The following CELSR1 variants were observed in gnomAD, a reference collection of about 807,000 sequenced individuals.
CELSR1 encodes adhesion G protein-coupled receptor C1.
In CELSR1, 110 loss-of-function variants were observed where a neutral mutation model predicts 249.1. That is an observed-to-expected ratio of 0.44 (90% CI 0.38 to 0.52). The LOEUF (loss-of-function observed/expected upper bound fraction) is 0.52. Ranked by LOEUF, CELSR1 falls within the 20% of genes least tolerant of loss-of-function variation. The pLI is 0.00. For missense variants in CELSR1, 4,109 were observed against 4,296.4 expected (o/e 0.96, Z 1.22); for synonymous variants, 2,113 against 1,900.0 (o/e 1.11, Z -2.92).
rs1209689563 is a variant in CELSR1 at position 46,434,214 on chromosome 22, G to A, written c.4523-733C>T. Among the ~76,000 whole-genome samples the A allele has an allele frequency of 6.6e-6, 1 of 152,246 alleles. No individual in the cohort carries two copies. Among genetic ancestry groups the A allele is most frequent in the Non-Finnish European group, 1.5e-5 (1 of 68,046 alleles). On this transcript the variant is annotated intron_variant, in intron 4 of 34. Transcript: ENST00000674500. The surrounding 1 kb of genome is among the most constrained non-coding windows in gnomAD (Gnocchi z 4.9). ...TAACACGTCCCATCGTGAGGTCGCG[G>A]ACGCGTCTCTTGTGCATCTCTGCTT...
chr22:46,498,990 G>A (rs2080441243), intron 1 of CELSR1, among the ~76,000 whole-genome samples: 1 of 151,886 alleles, frequency 6.6e-6, no homozygotes. Flanking sequence ...GACCAGCCTG[G>A]CCAACATGGT....
chr22:46,497,168 G>A (rs997935245), intron 1 of CELSR1, among the ~76,000 whole-genome samples: 4 of 152,106 alleles, frequency 2.6e-5, no homozygotes, highest in African/African-American at 9.7e-5. Flanking sequence ...TATGCAGCCC[G>A]TCCTTGACAG....
At chr22:46,459,582 A>G (rs2079996602) in intron 2 of CELSR1, among the ~76,000 whole-genome samples, 1 of 152,222 alleles carries the variant, frequency 6.6e-6, no homozygotes. Context: ...CCACAGTGCC[A>G]GCAGGGTCCT....
chr22:46,528,806 G>A (rs5768898), intron 1 of CELSR1, among the ~76,000 whole-genome samples: 101,020 of 149,944 alleles, frequency 0.67, 35,379 homozygotes, highest in African/African-American at 0.88. Flanking sequence ...GCGGGCGCCT[G>A]TAGTCCCAGC....
chr22:46,367,079 C>G lies in CELSR1; in HGVS notation c.8119G>C (p.Glu2707Gln). 1 of 1,611,674 alleles carries G rather than the reference C, an allele frequency of 6.2e-7. No homozygotes were observed. Among genetic ancestry groups the G allele is most frequent in the Non-Finnish European group, 8.5e-7 (1 of 1,179,736 alleles). Residue 2707 changes from glutamate (E) to glutamine (Q), a missense_variant, in exon 29 of 35, where the codon GAG becomes CAG. By Grantham distance (29) the Glu-to-Gln change is conservative (BLOSUM62 2). Coordinates refer to ENST00000674500, the MANE Select transcript of CELSR1 (RefSeq NM_001378328.1). ...VLLFHCVLNQ[E>Q]VRKHLKGVLG... ...ACGCCCTTCAGGTGCTTCCGGACCT[C>G]CTGGTTGAGCACGCAGTGGAAAAGG...
chr22:46,515,990 C>T (rs2080623396), intron 1 of CELSR1, among the ~76,000 whole-genome samples: 1 of 152,218 alleles, frequency 6.6e-6, no homozygotes, highest in Non-Finnish European at 1.5e-5. Flanking sequence ...GAAACAGGAA[C>T]ACTTTTACAC....
chr22:46,400,661 G>C (rs116572992), intron 9 of CELSR1, among the ~76,000 whole-genome samples: 1,804 of 152,246 alleles, frequency 0.012, 32 homozygotes, highest in African/African-American at 0.041. Flanking sequence ...ATCATCATTA[G>C]ACAAAGTTGG....
At chr22:46,376,682 T>A (rs1200577846) in intron 24 of CELSR1, among the ~76,000 whole-genome samples, 1 of 152,084 alleles carries the variant, frequency 6.6e-6, no homozygotes, top group Admixed American at 6.6e-5. Context: ...AAATCACTTT[T>A]GACAAGAGTT....
rs1031006143 is a variant in CELSR1 at position 46,412,498 on chromosome 22, C to G, written c.4612-739G>C. 1.2e-3 allele frequency among the ~76,000 whole-genome samples: 178 copies of G among 152,324 alleles called. No individual in the cohort carries two copies. Among genetic ancestry groups the G allele is most frequent in the African/African-American group, 4.1e-3 (170 of 41,582 alleles). ...CTGCAGACGGCCCCACATCTCCCCT[C>G]TAAGGCGTGGAACTCCCTCTCTGGG... On this transcript the variant is annotated intron_variant, in intron 5 of 34. Transcript: ENST00000674500. The surrounding 1 kb of genome is among the most constrained non-coding windows in gnomAD (Gnocchi z 4.5).
At position 46,533,758 on chromosome 22, in the gene CELSR1, A is replaced by G. The variant is rs760442074; in HGVS notation, c.3413T>C (p.Leu1138Pro). 6.2e-7 allele frequency: 1 copy of G among 1,613,448 alleles called. No individual in the cohort carries two copies. Among genetic ancestry groups the G allele is most frequent in the Non-Finnish European group, 8.5e-7 (1 of 1,180,024 alleles). Residue 1138 changes from leucine to proline, a missense_variant, in exon 1 of 35, where the codon CTC (leucine) becomes CCC (proline). Coordinates refer to ENST00000674500, the MANE Select transcript of CELSR1 (RefSeq NM_001378328.1). The stretch of plus-strand genomic sequence containing the variant: ...GTTGCCCTGCACGAAGGTGTAGTTG[A>G]GGCTGTCTGACACGTCGGGGTCATG... ...PAHDPDVSDS[L>P]NYTFVQGNEL...
At chr22:46,460,276 C>T (rs1367727800) in intron 2 of CELSR1, among the ~76,000 whole-genome samples, 1 of 152,134 alleles carries the variant, frequency 6.6e-6, no homozygotes. Context: ...GTGAACCACA[C>T]CCAGCATGGG....
intron 2 of CELSR1, among the ~76,000 whole-genome samples, chr22:46,460,211 A>ACACACC (rs61284373): frequency 0.086 from 12,835 of 148,886 alleles, 685 homozygotes; most frequent in East Asian, 0.11. Context: ...ACACACACAC[A>ACACACC]CACACCCATT....
chr22:46,380,679 GACC>G lies in CELSR1; in HGVS notation c.7256+106_7256+108del, dbSNP rs1194444353. On this transcript the variant is annotated intron_variant, in intron 22 of 34. Coordinates refer to ENST00000674500, the MANE Select transcript of CELSR1 (RefSeq NM_001378328.1). The surrounding 1 kb of genome is among the most constrained non-coding windows in gnomAD (Gnocchi z 5.1). ...ACGGGGGACTTAAAGGGGAAACACA[GACC>G]ACAAGAGACCGTCCTCTTGGGGCGC... is the stretch of plus-strand genomic sequence containing the variant. 4.6e-6 allele frequency: 6 copies of G among 1,300,372 alleles called. No homozygotes were observed. Among genetic ancestry groups the G allele is most frequent in the Non-Finnish European group, 6.4e-6 (6 of 941,852 alleles). 80.6% of individuals were successfully genotyped at this position (1,300,372 alleles called of 1,614,324 possible).
At position 46,429,210 on chromosome 22, in the gene CELSR1, C is replaced by T. The variant is rs763802893; in HGVS notation, c.4611+4183G>A. Among the ~76,000 whole-genome samples the T allele has an allele frequency of 1.3e-5, 2 of 152,156 alleles. No homozygotes were observed. The highest frequency in any genetic ancestry group is 4.8e-5 in the African/African-American group (2 of 41,440). Reference sequence around the variant, plus strand: ...TCCCAAACACCCAGGATGCCGAGGGCGATGGAGGAGCAGCAAACACTTAAG... The same window carrying T: ...TCCCAAACACCCAGGATGCCGAGGGTGATGGAGGAGCAGCAAACACTTAAG... On this transcript the variant is annotated intron_variant, in intron 5 of 34. Transcript: ENST00000674500. The surrounding 1 kb of genome is among the most constrained non-coding windows in gnomAD (Gnocchi z 4.1).
intron 1 of CELSR1, among the ~76,000 whole-genome samples, chr22:46,514,956 C>A (rs1016950247): frequency 6.6e-6 from 1 of 152,196 alleles, no homozygotes; most frequent in Non-Finnish European, 1.5e-5. Flanking sequence ...CTCCATGCCT[C>A]CCCACAAAAG....
intron 1 of CELSR1, chr22:46,481,493 T>C: frequency 6.4e-7 from 1 of 1,555,164 alleles, no homozygotes; most frequent in Non-Finnish European, 8.7e-7. Flanking sequence ...TTGCAATGCG[T>C]GGTGCACCGG....
In CELSR1 at chr22:46,430,044, G is replaced by A. The variant is rs1465648781; in HGVS notation, c.4611+3349C>T. ...GCTCCCAGGCCCTGTACACTGGTGG[G>A]TGGGGGAAGGGTCCCCGCAGGTTGC... On this transcript the variant is annotated intron_variant, in intron 5 of 34. Coordinates refer to ENST00000674500, the MANE Select transcript of CELSR1 (RefSeq NM_001378328.1). This position sits in a 1 kb window ranked among gnomAD's most constrained non-coding sequence, Gnocchi z 4.6. Among the ~76,000 whole-genome samples the A allele has an allele frequency of 6.6e-6, 1 of 152,222 alleles. No individual in the cohort carries two copies. The highest frequency in any genetic ancestry group is 1.5e-5 in the Non-Finnish European group (1 of 68,034).
At chr22:46,509,687 G>C (rs1180700817) in intron 1 of CELSR1, among the ~76,000 whole-genome samples, 2 of 152,190 alleles carry the variant, frequency 1.3e-5, no homozygotes, top group African/African-American at 4.8e-5. Flanking sequence ...GCTCAAGTGA[G>C]TAGTGAGTAC....
At chr22:46,389,752 C>T (rs551079311) in intron 17 of CELSR1, among the ~76,000 whole-genome samples, 2 of 152,112 alleles carry the variant, frequency 1.3e-5, no homozygotes, top group African/African-American at 4.8e-5. Flanking sequence ...CCCGTCTCTA[C>T]TCTCTATTTT....
Sources: gnomAD v4.1 joint callset for allele counts (sites outside exome capture counted in the v4.1 genomes callset) on GRCh38, gnomAD v4.1.1 for gene constraint, Gnocchi (gnomAD v3.1) non-coding constraint, MANE v1.5 for transcripts, NCBI Gene and HGNC (gene_info 2026-07-23, HGNC 2026-07-21) for gene names.